Variants in CAMTA1 observed in about 807,000 individuals in gnomAD.
CAMTA1 encodes calmodulin-binding transcription activator 1.
Under a neutral mutation model 170.9 loss-of-function variants are expected in CAMTA1, and 27 were observed. That is an observed-to-expected ratio of 0.16 (90% confidence interval 0.12 to 0.22). CAMTA1 has a LOEUF of 0.22. CAMTA1 is among the 10% of genes least tolerant of loss of function. The pLI is 1.00. For synonymous variants in CAMTA1, 833 were observed against 891.5 expected (o/e 0.93, Z 1.17); for missense variants, 1,619 against 2,217.2 (o/e 0.73, Z 5.42).
chr1:7,244,153 C>G (rs1045865071), intron 4 of CAMTA1, among the ~76,000 whole-genome samples: 1 of 152,178 alleles, frequency 6.6e-6, no homozygotes, highest in Non-Finnish European at 1.5e-5. Flanking sequence ...CTCATCATCA[C>G]TGGCCATCAG....
chr1:7,741,231 A>G (rs2096811126), intron 16 of CAMTA1, among the ~76,000 whole-genome samples: 1 of 152,158 alleles, frequency 6.6e-6, no homozygotes, highest in African/African-American at 2.4e-5. Context: ...TCCACTCGTG[A>G]TATAGATAGA....
chr1:7,022,436 C>T (rs1383111254), intron 3 of CAMTA1, among the ~76,000 whole-genome samples: 1 of 152,110 alleles, frequency 6.6e-6, no homozygotes, highest in Admixed American at 6.6e-5. Context: ...GTGAGGTTTC[C>T]TCTTGGATTG....
intron 5 of CAMTA1, among the ~76,000 whole-genome samples, chr1:7,348,712 T>C (rs1001582002): frequency 2.0e-5 from 3 of 151,864 alleles, no homozygotes; most frequent in Middle Eastern, 6.3e-3. Flanking sequence ...CCACAGGGGG[T>C]GTTCGGCTTC....
intron 22 of CAMTA1, among the ~76,000 whole-genome samples, chr1:7,755,918 A>G (rs1222936614): frequency 2.0e-5 from 3 of 152,366 alleles, no homozygotes; most frequent in Middle Eastern, 6.8e-3. Flanking sequence ...AAACCACTGC[A>G]GGGCATGCCG....
At chr1:7,031,277 G>A (rs1702763740) in intron 3 of CAMTA1, among the ~76,000 whole-genome samples, 1 of 152,140 alleles carries the variant, frequency 6.6e-6, no homozygotes, top group East Asian at 1.9e-4. Context: ...ATTTGTGACT[G>A]TTATGTCCTC....
chr1:7,276,303 A>ATATTTT, intron 5 of CAMTA1, among the ~76,000 whole-genome samples: 3 of 24,228 alleles, frequency 1.2e-4, no homozygotes, highest in African/African-American at 3.0e-4. Context: ...ATATATATAT[A>ATATTTT]TTTTTTTTTT....
At chr1:7,239,400 C>T (rs1664454021) in intron 4 of CAMTA1, among the ~76,000 whole-genome samples, 1 of 152,132 alleles carries the variant, frequency 6.6e-6, no homozygotes, top group Non-Finnish European at 1.5e-5. Context: ...TTGACTTTTT[C>T]AGGCTATATG....
At chr1:7,166,715 T>G (rs1203950578) in intron 4 of CAMTA1, among the ~76,000 whole-genome samples, 2 of 152,162 alleles carry the variant, frequency 1.3e-5, no homozygotes, top group Admixed American at 1.3e-4. Flanking sequence ...TTGAGTTTGC[T>G]CTATGCATTA....
At chr1:7,221,653 C>T (rs1165377934) in intron 4 of CAMTA1, among the ~76,000 whole-genome samples, 1 of 152,102 alleles carries the variant, frequency 6.6e-6, no homozygotes, top group East Asian at 1.9e-4. Flanking sequence ...TGAGCCTGGC[C>T]TTTGGATTCA....
Position 7,455,789 on chromosome 1 carries a change from C to G in CAMTA1, c.439-12041C>G, listed in dbSNP as rs1036392141. 1.3e-5 allele frequency among the ~76,000 whole-genome samples: 2 copies of G among 152,246 alleles called. No homozygotes were observed. Among genetic ancestry groups the G allele is most frequent in the Admixed American group, 1.3e-4 (2 of 15,284 alleles). ...GCCTGCCCACAGGAGAAGAGAGCCA[C>G]TGATTTCTGGGCAGCACTTGGCCCT... On this transcript the variant is annotated intron_variant, in intron 5 of 22. Coordinates refer to ENST00000303635, the MANE Select transcript of CAMTA1 (RefSeq NM_015215.4). This position sits in a 1 kb window ranked among gnomAD's most constrained non-coding sequence, Gnocchi z 5.0.
chr1:6,886,131 G>A (rs1327205397), intron 3 of CAMTA1: 17 of 443,522 alleles, frequency 3.8e-5, no homozygotes, highest in Non-Finnish European at 7.7e-5. Flanking sequence ...GGTTATGGGT[G>A]GATGGATGGG....
At chr1:6,921,770 G>A (rs530508036) in intron 3 of CAMTA1, among the ~76,000 whole-genome samples, 11 of 152,302 alleles carry the variant, frequency 7.2e-5, no homozygotes, top group African/African-American at 1.7e-4. Flanking sequence ...TTATAATCCC[G>A]TCAGATCCCC....
rs371870474 is a variant in CAMTA1 at position 7,305,652 on chromosome 1, A to G, written c.438+56026A>G. On this transcript the variant is annotated intron_variant, in intron 5 of 22. Coordinates refer to ENST00000303635, the MANE Select transcript of CAMTA1 (RefSeq NM_015215.4). Reference sequence around the variant, plus strand: ...ATTTGTTTATCTGCTTCCTGGATATATAAGTTTGGGATGATCATGAATAGA... The same window carrying G: ...ATTTGTTTATCTGCTTCCTGGATATGTAAGTTTGGGATGATCATGAATAGA... Among the ~76,000 whole-genome samples, 6 of 152,170 alleles carry G rather than the reference A, an allele frequency of 3.9e-5. No individual in the cohort carries two copies. The East Asian group carries it at 7.7e-4, about 20-fold the overall frequency.
intron 6 of CAMTA1, among the ~76,000 whole-genome samples, chr1:7,638,405 C>T (rs544364366): frequency 8.5e-4 from 130 of 152,276 alleles, no homozygotes; most frequent in African/African-American, 3.0e-3. Flanking sequence ...GTTTGGGAGG[C>T]CGAGGAAGGC....
At chr1:7,516,088 C>T (rs1459757274) in intron 6 of CAMTA1, among the ~76,000 whole-genome samples, 3 of 152,342 alleles carry the variant, frequency 2.0e-5, no homozygotes, top group South Asian at 4.1e-4. Flanking sequence ...ACCCCACTCC[C>T]GCCTCCATCA....
intron 6 of CAMTA1, among the ~76,000 whole-genome samples, chr1:7,590,031 C>G (rs568418785): frequency 6.6e-6 from 1 of 152,254 alleles, no homozygotes; most frequent in East Asian, 1.9e-4. Flanking sequence ...TGGAGCTTGC[C>G]CCTGAAAGAA....
At chr1:7,614,666 C>T (rs1251049021) in intron 6 of CAMTA1, among the ~76,000 whole-genome samples, 1 of 152,116 alleles carries the variant, frequency 6.6e-6, no homozygotes, top group South Asian at 2.1e-4. Flanking sequence ...TAACAAATTT[C>T]GAGAACCTAT....
chr1:6,930,676 C>T (rs1684238003), intron 3 of CAMTA1, among the ~76,000 whole-genome samples: 2 of 152,218 alleles, frequency 1.3e-5, no homozygotes, highest in African/African-American at 4.8e-5. Context: ...GTGAGATCCT[C>T]AGCTGCTTCC....
At chr1:7,024,440 T>C (rs1446354677) in intron 3 of CAMTA1, among the ~76,000 whole-genome samples, 1 of 152,202 alleles carries the variant, frequency 6.6e-6, no homozygotes, top group Non-Finnish European at 1.5e-5. Context: ...AAATGCAAGA[T>C]AGGGGCTGGC....
Sources: allele counts gnomAD v4.1 joint callset (sites outside exome capture counted in the v4.1 genomes callset), GRCh38; gene constraint gnomAD v4.1.1; non-coding constraint Gnocchi (gnomAD v3.1); transcripts MANE v1.5; gene names NCBI Gene and HGNC (gene_info 2026-07-23, HGNC 2026-07-21).